The following VWA5A variants were observed in gnomAD, a reference collection of about 807,000 sequenced individuals.
VWA5A encodes von Willebrand factor A domain-containing protein 5A.
In VWA5A, 77 loss-of-function variants were observed where a neutral mutation model predicts 84.6. The observed-to-expected ratio is 0.91, with a 90% CI of 0.76 to 1.10. VWA5A has a LOEUF of 1.10. Among genes scored for constraint, VWA5A ranks in the 50% least tolerant of loss-of-function variants. The pLI, the probability that VWA5A is intolerant of heterozygous loss-of-function variation, is 0.00. For synonymous variants in VWA5A, 334 were observed against 350.1 expected, an observed-to-expected ratio of 0.95 and a Z score of 0.51; for missense variants, 973 against 963.0, an observed-to-expected ratio of 1.01 and a Z score of -0.14.
At position 124,141,756 on chromosome 11, in the gene VWA5A, A is replaced by G. The variant is rs760415252; in HGVS notation, c.2023+15A>G. 4.3e-6 allele frequency: 7 copies of G among 1,611,662 alleles called. No homozygotes were observed. Among genetic ancestry groups the G allele is most frequent in the Non-Finnish European group, 5.9e-6 (7 of 1,178,928 alleles). On this transcript the variant is annotated intron_variant, in intron 16 of 18. Transcript: ENST00000456829. Reference sequence around the variant, plus strand: ...GCACAGTCCAGGTGAGTACCTTTATAGGAACATTTTCTCAACAATGTTTTT... The same window carrying G: ...GCACAGTCCAGGTGAGTACCTTTATGGGAACATTTTCTCAACAATGTTTTT...
rs759847597 is a variant in VWA5A at position 124,123,046 on chromosome 11, A to G, written c.847A>G (p.Ile283Val). 1.2e-6 allele frequency: 2 copies of G among 1,614,170 alleles called. No homozygotes were observed. Among genetic ancestry groups the G allele is most frequent in the Non-Finnish European group, 1.7e-6 (2 of 1,180,024 alleles). ...DQPSNTCGEFIFLMDRSGSMQ... is the reference protein window; with the variant it reads ...DQPSNTCGEFVFLMDRSGSMQ... ...ACCATCAAATACCTGTGGAGAGTTT[A>G]TCTTTCTCATGGACCGCTCGGGAAG... The change falls in exon 8 of 19, where the codon ATC becomes GTC. Residue 283 changes from isoleucine (I) to valine (V), a missense_variant. Physicochemically the swap from Ile to Val is conservative, Grantham distance 29. Coordinates refer to ENST00000456829, the MANE Select transcript of VWA5A (RefSeq NM_001130142.2).
intron 1 of VWA5A, 66 bp from the exon 2 acceptor site, chr11:124,116,500 C>T (rs1480940131): frequency 2.6e-5 from 4 of 152,154 alleles, no homozygotes; most frequent in Non-Finnish European, 5.9e-5. Context: ...CTGTTTTACT[C>T]CTGTGTGAGT....
In VWA5A at chr11:124,142,471, A is replaced by T; in HGVS notation, c.2053A>T (p.Ile685Phe). 6.2e-7 allele frequency: 1 copy of T among 1,614,176 alleles called. No homozygotes were observed. Among genetic ancestry groups the T allele is most frequent in the South Asian group, 1.1e-5 (1 of 91,080 alleles). ...TGGAGAGAATCACCTTGTGCAGCTG[A>T]TTTACCACCAAAATGCAAATGGTTC... ...GFGENHLVQL[I>F]YHQNANGSWD... The change falls in exon 17 of 19, where the codon ATT becomes TTT. Residue 685 changes from isoleucine (I) to phenylalanine (F), a missense_variant. Physicochemically the swap from Ile to Phe is conservative, Grantham distance 21 (BLOSUM62 0). Transcript: ENST00000456829.
At chr11:124,122,868 A>G in intron 7 of VWA5A, 92 bp from the exon 8 acceptor site, 3 of 1,322,072 alleles carry the variant, frequency 2.3e-6, no homozygotes, top group Non-Finnish European at 3.1e-6. Flanking sequence ...GAGTTTTCCT[A>G]GCTCTTAATT....
chr11:124,142,556 C>G lies in VWA5A; in HGVS notation c.2138C>G (p.Ala713Gly). 1 of 1,614,116 alleles carries G rather than the reference C, an allele frequency of 6.2e-7. No individual in the cohort carries two copies. The highest frequency in any genetic ancestry group is 8.5e-7 in the Non-Finnish European group (1 of 1,180,026). ...ILGMSLEEIM[A>G]AQPAELVDSS... ...GGTATGAGTTTGGAAGAAATAATGG[C>G]TGCACAGCCTGCCGAGGTAAGATTC... Residue 713 changes from alanine to glycine, a missense_variant, in exon 17 of 19, where the codon GCT (alanine) becomes GGT (glycine). Coordinates refer to ENST00000456829, the MANE Select transcript of VWA5A (RefSeq NM_001130142.2).
Position 124,141,875 on chromosome 11 carries a change from A to G in VWA5A, c.2023+134A>G. 9 of 1,276,142 alleles carry G rather than the reference A, an allele frequency of 7.1e-6. No individual in the cohort carries two copies. In the South Asian group the frequency reaches 1.4e-4, roughly 20 times the overall value. The allele number at this position is 1,276,142 out of a possible 1,614,324, so 79.1% of individuals were successfully genotyped here. A position where few individuals can be genotyped will look rare whatever the true frequency, so the allele number is the denominator to read the frequency against. The stretch of plus-strand genomic sequence containing the variant: ...CTCGAAGGGACCCCCCATGCATTGG[A>G]AAAGATTCATTCCTCCACCCACAGA... On this transcript the variant is annotated intron_variant, in intron 16 of 18. Coordinates refer to ENST00000456829, the MANE Select transcript of VWA5A (RefSeq NM_001130142.2).
chr11:124,119,005 C>A lies in VWA5A; in HGVS notation c.676C>A (p.Arg226=), dbSNP rs542150306. ...CCTGGCTGCTGGACACAAGTTTGAT[C>A]GGGACGTGGAACTCCTGATTTACTA... ...VSLAAGHKFD[R]DVELLIYYNE... is the part of the protein sequence containing the mutation. Residue 226 remains arginine (R), a synonymous_variant, in exon 7 of 19, where the codon CGG becomes AGG. Transcript: ENST00000456829. 2 of 1,614,148 alleles carry A rather than the reference C, an allele frequency of 1.2e-6. No homozygotes were observed. The highest frequency in any genetic ancestry group is 1.7e-6 in the Non-Finnish European group (2 of 1,180,032).
chr11:124,134,685 T>G (rs1438765679), intron 11 of VWA5A, among the ~76,000 whole-genome samples: 3 of 152,218 alleles, frequency 2.0e-5, no homozygotes, highest in Non-Finnish European at 4.4e-5. Flanking sequence ...ATTTCTTATC[T>G]GCAAAGTGAA....
At chr11:124,123,169 A>C (rs1470051380) in intron 8 of VWA5A, 40 bp downstream of exon 8, 8 of 1,592,324 alleles carry the variant, frequency 5.0e-6, no homozygotes, top group Non-Finnish European at 6.8e-6. Context: ...CACATGCTCA[A>C]GTGAGGATGA....
intron 2 of VWA5A, among the ~76,000 whole-genome samples, chr11:124,116,963 A>G (rs1864841400): frequency 6.6e-6 from 1 of 152,214 alleles, no homozygotes; most frequent in South Asian, 2.1e-4. Context: ...TCTGAATGCC[A>G]TGATCCAAAG....
chr11:124,119,531 G>A (rs966793310), intron 7 of VWA5A, among the ~76,000 whole-genome samples: 4 of 152,228 alleles, frequency 2.6e-5, no homozygotes, highest in Admixed American at 2.0e-4. Flanking sequence ...GGCCATATGT[G>A]TTAAATCAAT....
At chr11:124,127,884 G>T (rs1189600531) in intron 11 of VWA5A, among the ~76,000 whole-genome samples, 2 of 151,990 alleles carry the variant, frequency 1.3e-5, no homozygotes, top group South Asian at 4.2e-4. Context: ...TTGTAAATTT[G>T]TAAGTTCTTT....
intron 11 of VWA5A, among the ~76,000 whole-genome samples, chr11:124,131,448 A>G (rs1405328885): frequency 6.6e-6 from 1 of 152,122 alleles, no homozygotes; most frequent in Admixed American, 6.5e-5. Context: ...TATAGAATGT[A>G]AAACTGCAGA....
rs748993244 is a variant in VWA5A at position 124,145,286 on chromosome 11, ACAGC to A, written c.2205_2208del (p.His735GlnfsTer6). 3 of 1,613,952 alleles carry A rather than the reference ACAGC, an allele frequency of 1.9e-6. No homozygotes were observed. In the African/African-American group the frequency reaches 4.0e-5, roughly 22 times the overall value. ...ACCATCCTGGCCGTGATCTGGCTGCACAGCAATGGTAAGGACTTGAAGTGTGAAT... is the reference window on the plus strand; with the variant it reads ...ACCATCCTGGCCGTGATCTGGCTGCAAATGGTAAGGACTTGAAGTGTGAAT... On this transcript the variant is annotated frameshift_variant, in exon 18 of 19. Transcript: ENST00000456829. LOFTEE classifies it high-confidence loss of function.
chr11:124,135,384 T>C (rs887981002), intron 12 of VWA5A, among the ~76,000 whole-genome samples: 2 of 152,130 alleles, frequency 1.3e-5, no homozygotes, highest in African/African-American at 4.8e-5. Context: ...TCTTTTGTAC[T>C]ACATGCATCC....
rs1864888952 is a variant in VWA5A at position 124,119,031 on chromosome 11, C to A, written c.702C>A (p.Tyr234Ter). 6.2e-7 allele frequency: 1 copy of A among 1,614,232 alleles called. No individual in the cohort carries two copies. The highest frequency in any genetic ancestry group is 8.5e-7 in the Non-Finnish European group (1 of 1,180,048). The change falls in exon 7 of 19, where the codon TAC becomes TAA. Residue 234 changes from tyrosine to a stop codon, truncating the protein, a stop_gained. Transcript: ENST00000456829. LOFTEE classifies it high-confidence loss of function. ...FDRDVELLIY[Y>*]NEVHTPSVVL... ...GGGACGTGGAACTCCTGATTTACTACAATGAGGTGCATACCCCCAGCGTGG... is the reference window on the plus strand; with the variant it reads ...GGGACGTGGAACTCCTGATTTACTAAAATGAGGTGCATACCCCCAGCGTGG...
chr11:124,124,434 G>C, intron 11 of VWA5A, 118 bp downstream of exon 11: 1 of 1,418,650 alleles, frequency 7.0e-7, no homozygotes, highest in Non-Finnish European at 9.2e-7. Context: ...TCAGAATTTA[G>C]TTTTAGCAGC....
At chr11:124,118,751 C>T in intron 6 of VWA5A, 43 bp downstream of exon 6, 2 of 1,576,502 alleles carry the variant, frequency 1.3e-6, no homozygotes, top group Non-Finnish European at 1.7e-6. Context: ...ACCTCTGTTG[C>T]TTGAGTCTTG....
chr11:124,124,132 C>A, intron 10 of VWA5A, 105 bp from the exon 11 acceptor site: 1 of 1,088,036 alleles, frequency 9.2e-7, no homozygotes, highest in Non-Finnish European at 1.4e-6. Context: ...TTTGAAGAGG[C>A]ACCAGAGCCT....
Sources: allele counts gnomAD v4.1 joint callset (sites outside exome capture counted in the v4.1 genomes callset), GRCh38; gene constraint gnomAD v4.1.1; transcripts MANE v1.5; gene names NCBI Gene and HGNC (gene_info 2026-07-23, HGNC 2026-07-21).